Variants in PCCA observed in about 807,000 individuals in gnomAD.
The protein encoded by PCCA is propionyl-CoA carboxylase subunit alpha, also known as propionyl-CoA carboxylase alpha chain, mitochondrial.
In PCCA, 74 loss-of-function variants were observed where a neutral mutation model predicts 101.3. The ratio of observed to expected loss-of-function variants is 0.73; its 90% CI spans 0.61 to 0.89. The LOEUF (loss-of-function observed/expected upper bound fraction) is 0.89, where lower values mean the gene tolerates loss of function less well. Among genes scored for constraint, PCCA ranks in the 40% least tolerant of loss-of-function variants. PCCA has a pLI of 0.00. For synonymous variants in PCCA, 294 were observed against 313.6 expected, an observed-to-expected ratio of 0.94 and a Z score of 0.66; for missense variants, 891 against 907.0, an observed-to-expected ratio of 0.98 and a Z score of 0.23.
Position 100,154,963 on chromosome 13 carries a change from A to T in PCCA, c.301-16A>T. The stretch of plus-strand genomic sequence containing the variant: ...TTGCTGGGCGCATCTGTTAATGCAG[A>T]AATTTGTCTCCTCAGGTTCATGTGA... On this transcript the variant is annotated splice_polypyrimidine_tract_variant and intron_variant, in intron 4 of 23. Transcript: ENST00000376285. The T allele has an allele frequency of 6.3e-7, 1 of 1,582,152 alleles. No individual in the cohort carries two copies. Among genetic ancestry groups the T allele is most frequent in the East Asian group, 2.2e-5 (1 of 44,686 alleles).
chr13:100,381,834 C>T (rs2076245170), intron 19 of PCCA, among the ~76,000 whole-genome samples: 1 of 152,212 alleles, frequency 6.6e-6, no homozygotes, highest in South Asian at 2.1e-4. Context: ...GCACCTGTTG[C>T]CTTCCACACC....
chr13:100,212,354 T>C (rs553754657), intron 7 of PCCA, among the ~76,000 whole-genome samples: 24 of 152,352 alleles, frequency 1.6e-4, no homozygotes, highest in African/African-American at 5.8e-4. Context: ...CTCAACTACA[T>C]GGGACACATA....
At chr13:100,152,697 C>A (rs1382978607) in intron 4 of PCCA, among the ~76,000 whole-genome samples, 5 of 152,224 alleles carry the variant, frequency 3.3e-5, no homozygotes, top group Non-Finnish European at 7.3e-5. Context: ...CCGCCCACCT[C>A]AGCCTCCCAA....
intron 21 of PCCA, among the ~76,000 whole-genome samples, chr13:100,466,399 T>C (rs375597198): frequency 1.3e-3 from 191 of 152,330 alleles, no homozygotes; most frequent in African/African-American, 3.8e-3. Context: ...CTCAAGTGTG[T>C]GTTCCTGAGA....
At chr13:100,462,387 C>A (rs1235971713) in intron 21 of PCCA, among the ~76,000 whole-genome samples, 1 of 152,082 alleles carries the variant, frequency 6.6e-6, no homozygotes, top group East Asian at 1.9e-4. Context: ...ATACTATGTG[C>A]TAGGAAGTGG....
intron 21 of PCCA, among the ~76,000 whole-genome samples, chr13:100,451,856 C>T: frequency 7.3e-6 from 1 of 137,186 alleles, no homozygotes; most frequent in Non-Finnish European, 1.6e-5. Context: ...TCTCTCTCCT[C>T]TTCCTCTCCT....
chr13:100,160,976 TG>T (rs77566318), intron 6 of PCCA: 3 of 69,248 alleles, frequency 4.3e-5, no homozygotes, highest in African/African-American at 1.8e-4. Context: ...ATCCTATCTG[TG>T]TACTTGAAAG....
chr13:100,097,059 A>G (rs1475521401), intron 1 of PCCA, among the ~76,000 whole-genome samples: 1 of 152,200 alleles, frequency 6.6e-6, no homozygotes. Flanking sequence ...TTTGAACAAT[A>G]ATTAATTGGA....
At chr13:100,256,159 A>T (rs917489673) in intron 8 of PCCA, among the ~76,000 whole-genome samples, 2 of 151,962 alleles carry the variant, frequency 1.3e-5, no homozygotes, top group Non-Finnish European at 2.9e-5. Flanking sequence ...GACGCACACC[A>T]CCACACCCAG....
chr13:100,277,071 G>A (rs1417621186), intron 12 of PCCA, among the ~76,000 whole-genome samples: 1 of 152,064 alleles, frequency 6.6e-6, no homozygotes, highest in African/African-American at 2.4e-5. Context: ...AGTAGTATTT[G>A]TGACTACGGC....
At chr13:100,491,568 C>A in intron 21 of PCCA, 1 of 768,420 alleles carries the variant, frequency 1.3e-6, no homozygotes, top group Non-Finnish European at 2.0e-6. Context: ...CAAACAGCTG[C>A]AAAATGTTGC....
chr13:100,524,412 T>TGTGTGTGTG (rs59438858), intron 22 of PCCA, among the ~76,000 whole-genome samples: 32 of 149,014 alleles, frequency 2.1e-4, no homozygotes, highest in South Asian at 8.5e-4. Flanking sequence ...TGTGTGTGTG[T>TGTGTGTGTG]TGGGGTAGAA....
chr13:100,318,541 C>G (rs1263429018), intron 16 of PCCA, among the ~76,000 whole-genome samples: 2 of 140,764 alleles, frequency 1.4e-5, no homozygotes, highest in African/African-American at 5.3e-5. Flanking sequence ...TCCAAGTGTT[C>G]TCATTGTTCA....
At chr13:100,486,443 A>G (rs1288294051) in intron 21 of PCCA, among the ~76,000 whole-genome samples, 3 of 152,242 alleles carry the variant, frequency 2.0e-5, no homozygotes, top group Admixed American at 2.0e-4. Flanking sequence ...CTGTCCATCA[A>G]TAGGAGTTTA....
At chr13:100,159,881 C>G (rs1279811496) in intron 6 of PCCA, among the ~76,000 whole-genome samples, 1 of 152,158 alleles carries the variant, frequency 6.6e-6, no homozygotes, top group Non-Finnish European at 1.5e-5. Context: ...TCATATGCAG[C>G]CTCTGCGGGG....
At chr13:100,309,561 T>G (rs1183165004) in intron 15 of PCCA, among the ~76,000 whole-genome samples, 4 of 152,168 alleles carry the variant, frequency 2.6e-5, no homozygotes, top group African/African-American at 9.7e-5. Context: ...CTTTTAAATT[T>G]TTTCTGTACT....
intron 5 of PCCA, among the ~76,000 whole-genome samples, chr13:100,155,594 C>T (rs1273344753): frequency 1.3e-5 from 2 of 152,170 alleles, no homozygotes; most frequent in Non-Finnish European, 2.9e-5. Flanking sequence ...AAATCATTCT[C>T]TCCACCCCCA....
intron 6 of PCCA, among the ~76,000 whole-genome samples, chr13:100,192,132 A>G (rs2057783232): frequency 1.3e-5 from 2 of 152,236 alleles, no homozygotes; most frequent in South Asian, 2.1e-4. Flanking sequence ...TAATTGCAAT[A>G]TTGCCACTTC....
chr13:100,507,833 T>A (rs1049961095), intron 21 of PCCA, among the ~76,000 whole-genome samples: 1 of 152,050 alleles, frequency 6.6e-6, no homozygotes, highest in Admixed American at 6.5e-5. Flanking sequence ...ATTTTTTGGA[T>A]TTTTAGTAGA....
Sources: gnomAD v4.1 joint callset for allele counts (sites outside exome capture counted in the v4.1 genomes callset) on GRCh38, gnomAD v4.1.1 for gene constraint, MANE v1.5 for transcripts, NCBI Gene and HGNC (gene_info 2026-07-23, HGNC 2026-07-21) for gene names.